SYT9: variants seen among roughly 807,000 people sequenced by gnomAD.
SYT9 encodes synaptotagmin 9, also known as synaptotagmin-9.
A neutral mutation model predicts 48.4 loss-of-function variants in SYT9; 22 were observed. The ratio of observed to expected loss-of-function variants is 0.45; its 90% CI spans 0.32 to 0.65. The LOEUF (loss-of-function observed/expected upper bound fraction) is 0.65. Ranked by LOEUF, SYT9 falls within the 30% of genes least tolerant of loss-of-function variation. SYT9 has a pLI of 0.03. For missense variants in SYT9, 577 were observed against 622.0 expected (o/e 0.93, Z 0.77); for synonymous variants, 265 against 245.0 (o/e 1.08, Z -0.76).
At chr11:7,378,118 C>A (rs993380262) in intron 3 of SYT9, among the ~76,000 whole-genome samples, 346 of 143,344 alleles carry the variant, frequency 2.4e-3, no homozygotes, top group Middle Eastern at 3.5e-3. Flanking sequence ...TTCAAAGATA[C>A]AAAAAAAAAA....
intron 1 of SYT9, among the ~76,000 whole-genome samples, chr11:7,254,673 C>T (rs1847934433): frequency 6.6e-6 from 1 of 152,154 alleles, no homozygotes; most frequent in Non-Finnish European, 1.5e-5. Flanking sequence ...ACTTCTTTTT[C>T]TGGAAAGGAA....
At chr11:7,284,437 A>G (rs1029178913) in intron 1 of SYT9, among the ~76,000 whole-genome samples, 2 of 152,018 alleles carry the variant, frequency 1.3e-5, no homozygotes, top group African/African-American at 4.8e-5. Context: ...AGCCCTTTAC[A>G]TTTCTAAAAA....
Position 7,252,179 on chromosome 11 carries a change from G to C in SYT9, c.-8G>C, listed in dbSNP as rs866468057. On this transcript the variant is annotated 5_prime_UTR_variant, in exon 1 of 7. Coordinates refer to ENST00000318881, the MANE Select transcript of SYT9 (RefSeq NM_175733.4). The surrounding 1 kb of genome is among the most constrained non-coding windows in gnomAD (Gnocchi z 6.3). ...CTGCCCGGCGCGGTCCGAGGATGCG[G>C]GGGGGCGATGCCCGGGGCCAGGGAC... 167 of 1,441,632 alleles carry C rather than the reference G, an allele frequency of 1.2e-4. No individual in the cohort carries two copies. The highest frequency in any genetic ancestry group is 9.7e-4 in the Middle Eastern group (4 of 4,112). 89.3% of individuals were successfully genotyped at this position (1,441,632 alleles called of 1,614,324 possible).
At chr11:7,386,191 A>ACC (rs1185482051) in intron 3 of SYT9, among the ~76,000 whole-genome samples, 1 of 151,976 alleles carries the variant, frequency 6.6e-6, no homozygotes, top group Admixed American at 6.6e-5. Flanking sequence ...AGCAATTTAA[A>ACC]CCCTGGAAGA....
chr11:7,407,978 C>T (rs532659743), intron 3 of SYT9, among the ~76,000 whole-genome samples: 5 of 152,220 alleles, frequency 3.3e-5, no homozygotes, highest in South Asian at 4.1e-4. Flanking sequence ...CCAGCATTGT[C>T]GTTTTTGTTC....
rs569248619 is a variant in SYT9, at chr11:7,336,216, A to G, written c.1044+22275A>G. Among the ~76,000 whole-genome samples, 58 of 152,138 alleles carry G rather than the reference A, an allele frequency of 3.8e-4. 1 individual carries two copies. Among genetic ancestry groups the G allele is most frequent in the Non-Finnish European group, 6.3e-4 (43 of 67,928 alleles). On this transcript the variant is annotated intron_variant, in intron 3 of 6. Transcript: ENST00000318881. ...GTTTTTCTCTTGAAAATTTGTTTAC[A>G]TTCCTTATAAATGCTGGATATTAGA...
intron 1 of SYT9, among the ~76,000 whole-genome samples, chr11:7,271,346 G>A (rs1371258800): frequency 5.3e-5 from 8 of 151,982 alleles, no homozygotes; most frequent in Non-Finnish European, 1.0e-4. Context: ...GCCCAGTGCT[G>A]GACTGTGTAC....
At chr11:7,241,695 G>T (rs537732425) in intron 1 of SYT9, among the ~76,000 whole-genome samples, 24 of 152,366 alleles carry the variant, frequency 1.6e-4, no homozygotes, top group African/African-American at 5.3e-4. Context: ...CTTATAGTCT[G>T]TAGTAAATCA....
intron 1 of SYT9, among the ~76,000 whole-genome samples, chr11:7,270,410 A>G (rs1197617770): frequency 1.3e-5 from 2 of 152,212 alleles, no homozygotes; most frequent in African/African-American, 4.8e-5. Flanking sequence ...TTGCTTTCAG[A>G]TCGATAAGAA....
intron 6 of SYT9, among the ~76,000 whole-genome samples, chr11:7,452,009 A>C (rs983048801): frequency 1.3e-5 from 2 of 150,260 alleles, no homozygotes; most frequent in African/African-American, 2.4e-5. Context: ...ACACAAAAGC[A>C]GAGAAAAAAT....
chr11:7,312,830 A>T (rs1483516427), intron 2 of SYT9, among the ~76,000 whole-genome samples: 2 of 152,220 alleles, frequency 1.3e-5, no homozygotes, highest in Non-Finnish European at 2.9e-5. Flanking sequence ...AATCCACTGC[A>T]TGCAGACACA....
chr11:7,400,034 G>A lies in SYT9; in HGVS notation c.1045-16008G>A, dbSNP rs138367180. Among the ~76,000 whole-genome samples the A allele has an allele frequency of 4.7e-4, 72 of 152,278 alleles. 1 individual carries two copies. In the East Asian group the frequency reaches 0.013, roughly 28 times the overall value. Reference sequence around the variant, plus strand: ...AATTTTCATCAAAAATAATGTTTATGCCACGTACTTACCCCAAATGTGACT... The same window carrying A: ...AATTTTCATCAAAAATAATGTTTATACCACGTACTTACCCCAAATGTGACT... On this transcript the variant is annotated intron_variant, in intron 3 of 6. Coordinates refer to ENST00000318881, the MANE Select transcript of SYT9 (RefSeq NM_175733.4).
intron 3 of SYT9, among the ~76,000 whole-genome samples, chr11:7,366,142 T>C (rs967618940): frequency 8.5e-5 from 13 of 152,226 alleles, no homozygotes; most frequent in African/African-American, 2.9e-4. Flanking sequence ...TGAGGACATG[T>C]TGACACCTCA....
chr11:7,304,966 T>A lies in SYT9; in HGVS notation c.497+1576T>A, dbSNP rs373212339. ...TCTGAGTTCCTCCAATATATGGTGGTAGTACTGTGATCTTGCTAGATTTGA... is the reference window on the plus strand; with the variant it reads ...TCTGAGTTCCTCCAATATATGGTGGAAGTACTGTGATCTTGCTAGATTTGA... On this transcript the variant is annotated intron_variant, in intron 2 of 6. Transcript: ENST00000318881. Among the ~76,000 whole-genome samples, 10 of 152,330 alleles carry A rather than the reference T, an allele frequency of 6.6e-5. No individual in the cohort carries two copies. The South Asian group carries it at 2.1e-3, about 32-fold the overall frequency.
At chr11:7,446,548 C>T (rs1303651023) in intron 6 of SYT9, among the ~76,000 whole-genome samples, 1 of 152,128 alleles carries the variant, frequency 6.6e-6, no homozygotes, top group Non-Finnish European at 1.5e-5. Flanking sequence ...ACTTCCTGAT[C>T]CCAAACATTA....
intron 3 of SYT9, among the ~76,000 whole-genome samples, chr11:7,357,713 C>T (rs1850048002): frequency 6.6e-6 from 1 of 152,136 alleles, no homozygotes; most frequent in Non-Finnish European, 1.5e-5. Flanking sequence ...TCCTACTCAA[C>T]TTTCCTCTCC....
At chr11:7,324,708 T>C (rs1849397253) in intron 3 of SYT9, among the ~76,000 whole-genome samples, 1 of 152,026 alleles carries the variant, frequency 6.6e-6, no homozygotes, top group Non-Finnish European at 1.5e-5. Flanking sequence ...TTTTTAAGCA[T>C]TATTTCTGTA....
intron 3 of SYT9, among the ~76,000 whole-genome samples, chr11:7,370,481 A>G (rs970243418): frequency 6.6e-6 from 1 of 152,110 alleles, no homozygotes; most frequent in South Asian, 2.1e-4. Context: ...TTCCTTTCTA[A>G]GGTGATGGTA....
chr11:7,282,926 GCACACA>G (rs151278873), intron 1 of SYT9, among the ~76,000 whole-genome samples: 1 of 135,654 alleles, frequency 7.4e-6, no homozygotes, highest in Admixed American at 7.4e-5. Context: ...ACACACACAC[GCACACA>G]CACACACACA....
Sources: gnomAD v4.1 joint callset for allele counts (sites outside exome capture counted in the v4.1 genomes callset) on GRCh38, gnomAD v4.1.1 for gene constraint, Gnocchi (gnomAD v3.1) non-coding constraint, MANE v1.5 for transcripts, NCBI Gene and HGNC (gene_info 2026-07-23, HGNC 2026-07-21) for gene names.